The following ZBTB7C variants were observed in gnomAD, a reference collection of about 807,000 sequenced individuals.
The protein encoded by ZBTB7C is zinc finger and BTB domain containing 7C.
In ZBTB7C, 8 loss-of-function variants were observed where a neutral mutation model predicts 25.7. The observed-to-expected ratio is 0.31, with a 90% CI of 0.18 to 0.56. The LOEUF (loss-of-function observed/expected upper bound fraction) is 0.56, where lower values mean the gene tolerates loss of function less well. Ranked by LOEUF, ZBTB7C falls within the 20% of genes least tolerant of loss-of-function variation. ZBTB7C has a pLI of 0.91. For missense variants in ZBTB7C, 824 were observed against 855.2 expected, an observed-to-expected ratio of 0.96 and a Z score of 0.46; for synonymous variants, 394 against 369.0, an observed-to-expected ratio of 1.07 and a Z score of -0.78.
chr18:48,285,246 C>G (rs539923509), intron 2 of ZBTB7C, among the ~76,000 whole-genome samples: 4 of 152,192 alleles, frequency 2.6e-5, no homozygotes, highest in South Asian at 4.1e-4. Flanking sequence ...AAATCTCTTA[C>G]AGTAATTGTA....
chr18:48,091,514 G>C (rs886317568), intron 3 of ZBTB7C, among the ~76,000 whole-genome samples: 1 of 152,108 alleles, frequency 6.6e-6, no homozygotes, highest in Non-Finnish European at 1.5e-5. Flanking sequence ...TCAAGCACTT[G>C]ATATCTACAG....
intron 1 of ZBTB7C, among the ~76,000 whole-genome samples, chr18:48,407,509 G>A (rs560596345): frequency 6.6e-6 from 1 of 152,334 alleles, no homozygotes; most frequent in South Asian, 2.1e-4. Flanking sequence ...GGCTTGGGGT[G>A]TGGGGGTGGC....
chr18:48,368,097 A>G (rs890848704), intron 1 of ZBTB7C, among the ~76,000 whole-genome samples: 1 of 152,168 alleles, frequency 6.6e-6, no homozygotes, highest in African/African-American at 2.4e-5. Context: ...AAACTGAATG[A>G]GCAGAGGCAA....
chr18:48,411,220 T>G (rs558654652), upstream of ZBTB7C, among the ~76,000 whole-genome samples: 1 of 152,042 alleles, frequency 6.6e-6, no homozygotes, highest in East Asian at 1.9e-4. Context: ...ATGTCACGTT[T>G]AATTTGCCAA....
chr18:48,361,144 A>T (rs577735645), intron 1 of ZBTB7C, among the ~76,000 whole-genome samples: 1 of 152,276 alleles, frequency 6.6e-6, no homozygotes, highest in East Asian at 1.9e-4. Context: ...CGAACATCTC[A>T]TCTCCCTGCG....
intron 4 of ZBTB7C, among the ~76,000 whole-genome samples, chr18:48,036,727 G>A (rs7243734): frequency 0.42 from 63,391 of 151,958 alleles, 14,003 homozygotes; most frequent in African/African-American, 0.53. Context: ...TGGGAATTCT[G>A]CGTCAACGAG....
intron 3 of ZBTB7C, chr18:48,180,346 T>C (rs2041881616): frequency 2.2e-6 from 1 of 456,634 alleles, no homozygotes; most frequent in Non-Finnish European, 4.4e-6. Flanking sequence ...ATATTTCAGA[T>C]GGAAATGTAT....
At position 48,332,134 on chromosome 18, in the gene ZBTB7C, T is replaced by C. The variant is rs547801521; in HGVS notation, c.-79+6040A>G. ...TCAGGATTCAAACAAGACTCATCGA[T>C]TGCATTTGGTTGGTGCATCTATTAA... On this transcript the variant is annotated intron_variant, in intron 2 of 4. Coordinates refer to ENST00000590800, the MANE Select transcript of ZBTB7C (RefSeq NM_001318841.2). 2.8e-4 allele frequency among the ~76,000 whole-genome samples: 42 copies of C among 152,350 alleles called. No homozygotes were observed. In the South Asian group the frequency reaches 8.7e-3, roughly 32 times the overall value.
At position 48,155,318 on chromosome 18, in the gene ZBTB7C, C is replaced by CTTT. The variant is rs578058729; in HGVS notation, c.-17+30613_-17+30615dup. Among the ~76,000 whole-genome samples the CTTT allele has an allele frequency of 3.6e-3, 278 of 78,042 alleles. 33 individuals carry two copies. The highest frequency in any genetic ancestry group is 5.3e-3 in the Non-Finnish European group (228 of 42,722). 51.2% of individuals were successfully genotyped at this position (78,042 alleles called of 152,430 possible). ...GAGGATTCCCTGTAACTGTAATATT[C>CTTT]TTTTTTTTTTTTTTTTTTTTTTTTT... is the stretch of plus-strand genomic sequence containing the variant. On this transcript the variant is annotated intron_variant, in intron 3 of 4. Transcript: ENST00000590800.
chr18:48,043,079 C>CTGA (rs1347708023), intron 3 of ZBTB7C, among the ~76,000 whole-genome samples: 4 of 152,072 alleles, frequency 2.6e-5, no homozygotes, highest in Admixed American at 6.5e-5. Context: ...TAAAAAAATA[C>CTGA]TGATAACACC....
chr18:48,190,680 C>G (rs2042172254), intron 2 of ZBTB7C, among the ~76,000 whole-genome samples: 1 of 152,172 alleles, frequency 6.6e-6, no homozygotes, highest in Admixed American at 6.5e-5. Context: ...TAGAATGAAA[C>G]AGCGACTGTG....
chr18:48,339,930 T>C (rs1339028203), intron 1 of ZBTB7C, among the ~76,000 whole-genome samples: 1 of 152,160 alleles, frequency 6.6e-6, no homozygotes, highest in Non-Finnish European at 1.5e-5. Flanking sequence ...TCCCAGCAAC[T>C]TGGCCCTCTA....
intron 3 of ZBTB7C, among the ~76,000 whole-genome samples, chr18:48,171,949 T>A (rs1202824521): frequency 2.0e-5 from 3 of 152,238 alleles, no homozygotes; most frequent in African/African-American, 7.2e-5. Flanking sequence ...TGTTTTCATG[T>A]CAGCCACTCA....
At chr18:48,057,066 A>T (rs1467620287) in intron 3 of ZBTB7C, among the ~76,000 whole-genome samples, 2 of 151,264 alleles carry the variant, frequency 1.3e-5, no homozygotes, top group Admixed American at 1.3e-4. Context: ...AAAAAAAAAA[A>T]AAAACCAACC....
intron 4 of ZBTB7C, among the ~76,000 whole-genome samples, chr18:48,033,421 AC>A (rs1407389834): frequency 1.3e-5 from 2 of 152,336 alleles, no homozygotes; most frequent in African/African-American, 4.8e-5. Flanking sequence ...GCAGACCAGA[AC>A]AATCAAGAGA....
intron 1 of ZBTB7C, among the ~76,000 whole-genome samples, chr18:48,374,803 G>A (rs973427406): frequency 2.6e-5 from 4 of 152,148 alleles, no homozygotes; most frequent in Non-Finnish European, 5.9e-5. Context: ...TGGTTCTTTG[G>A]AAACATGCCT....
intron 2 of ZBTB7C, among the ~76,000 whole-genome samples, chr18:48,195,260 T>C (rs192561086): frequency 5.5e-4 from 84 of 152,358 alleles, no homozygotes; most frequent in Admixed American, 4.8e-3. Flanking sequence ...TATGGTGATA[T>C]GGTTTGACTG....
intron 2 of ZBTB7C, among the ~76,000 whole-genome samples, chr18:48,337,858 GAAT>G (rs889091504): frequency 2.6e-5 from 4 of 152,172 alleles, no homozygotes; most frequent in Non-Finnish European, 5.9e-5. Context: ...AGCTGATGGG[GAAT>G]AATGACTTCT....
intron 3 of ZBTB7C, among the ~76,000 whole-genome samples, chr18:48,098,557 T>G (rs1161692749): frequency 6.6e-6 from 1 of 152,178 alleles, no homozygotes; most frequent in Non-Finnish European, 1.5e-5. Flanking sequence ...CTACTGAATG[T>G]TATTGTGCTT....
Sources: allele counts gnomAD v4.1 joint callset (sites outside exome capture counted in the v4.1 genomes callset), GRCh38; gene constraint gnomAD v4.1.1; transcripts MANE v1.5; gene names NCBI Gene and HGNC (gene_info 2026-07-23, HGNC 2026-07-21).